Variants in DHTKD1 observed in about 807,000 individuals in gnomAD.
DHTKD1 encodes 2-oxoadipate dehydrogenase complex component E1.
A neutral mutation model predicts 101.8 loss-of-function variants in DHTKD1; 78 were observed. The ratio of observed to expected loss-of-function variants is 0.77; its 90% CI spans 0.64 to 0.93. DHTKD1 has a LOEUF of 0.93. Among genes scored for constraint, DHTKD1 ranks in the 40% least tolerant of loss-of-function variants. The pLI is 0.00. For synonymous variants in DHTKD1, 462 were observed against 450.3 expected (o/e 1.03, Z -0.33); for missense variants, 1,223 against 1,161.7 (o/e 1.05, Z -0.77).
rs1218368789 is a variant in DHTKD1 at position 12,100,235 on chromosome 10, C to CTTGCCTT, written c.1730_1736dup (p.Leu579PhefsTer12). ...GCTAGACTGGGCCACCGCGGAAGCT[C>CTTGCCTT]TTGCCTTGGGTTCTTTACTTGCTCA... On this transcript the variant is annotated frameshift_variant, in exon 9 of 17. Coordinates refer to ENST00000263035, the MANE Select transcript of DHTKD1 (RefSeq NM_018706.7). LOFTEE classifies it high-confidence loss of function. 1 of 1,539,366 alleles carries CTTGCCTT rather than the reference C, an allele frequency of 6.5e-7. No individual in the cohort carries two copies. The highest frequency in any genetic ancestry group is 1.5e-5 in the African/African-American group (1 of 68,858).
intron 1 of DHTKD1, among the ~76,000 whole-genome samples, chr10:12,078,417 T>C (rs1490568473): frequency 2.0e-5 from 3 of 150,022 alleles, no homozygotes; most frequent in African/African-American, 7.4e-5. Context: ...AGAGCAAGAC[T>C]CCACCTCAGA....
chr10:12,108,090 T>A, intron 12 of DHTKD1, 75 bp downstream of exon 12: 1 of 1,067,936 alleles, frequency 9.4e-7, no homozygotes, highest in Non-Finnish European at 1.4e-6. Flanking sequence ...TGCGGATAGC[T>A]TAACGCCCAC....
At chr10:12,081,846 C>T (rs1832825305) in intron 2 of DHTKD1, among the ~76,000 whole-genome samples, 1 of 151,834 alleles carries the variant, frequency 6.6e-6, no homozygotes, top group South Asian at 2.1e-4. Context: ...ATTTAATTGG[C>T]TGGGCACAAT....
In DHTKD1 at chr10:12,117,691, C is replaced by G; in HGVS notation, c.2338C>G (p.Gln780Glu). Reference sequence around the variant, plus strand: ...CTCGTAGGCAGCCGTGTCAACTCTTCAAGAAATGGCACCAGGAACAACATT... The same window carrying G: ...CTCGTAGGCAGCCGTGTCAACTCTTGAAGAAATGGCACCAGGAACAACATT... ...LRLPAAVSTLQEMAPGTTFNP... is the reference protein window; with the variant it reads ...LRLPAAVSTLEEMAPGTTFNP... Residue 780 changes from glutamine (Q) to glutamate (E), a missense_variant, in exon 14 of 17, where the codon CAA becomes GAA. Transcript: ENST00000263035. The G allele has an allele frequency of 1.2e-6, 2 of 1,605,746 alleles. No individual in the cohort carries two copies. The highest frequency in any genetic ancestry group is 1.7e-6 in the Non-Finnish European group (2 of 1,174,960).
chr10:12,088,930 C>T (rs1588608035), intron 4 of DHTKD1, 56 bp from the exon 5 acceptor site: 1 of 1,504,870 alleles, frequency 6.6e-7, no homozygotes. Flanking sequence ...GCACTTCTTC[C>T]CTAGACTCCA....
At chr10:12,076,462 C>T (rs943392583) in intron 1 of DHTKD1, among the ~76,000 whole-genome samples, 1 of 151,572 alleles carries the variant, frequency 6.6e-6, no homozygotes, top group Non-Finnish European at 1.5e-5. Flanking sequence ...GGCAACAGAG[C>T]GAGACTCTGT....
chr10:12,076,840 A>T (rs1394014533), intron 1 of DHTKD1, among the ~76,000 whole-genome samples: 3 of 151,786 alleles, frequency 2.0e-5, no homozygotes, highest in Non-Finnish European at 4.4e-5. Context: ...TTGTATTTTT[A>T]GTAGAGACGG....
rs534831045 is a variant in DHTKD1, at chr10:12,087,440, G to A, written c.523-95G>A. On this transcript the variant is annotated intron_variant, in intron 3 of 16. Coordinates refer to ENST00000263035, the MANE Select transcript of DHTKD1 (RefSeq NM_018706.7). The surrounding 1 kb of genome is among the most constrained non-coding windows in gnomAD (Gnocchi z 5.2). ...GCATTGCTGTGGCCACTTGGGGAGTGTGGGGCCATCTCACAACACACACAG... is the reference window on the plus strand; with the variant it reads ...GCATTGCTGTGGCCACTTGGGGAGTATGGGGCCATCTCACAACACACACAG... The A allele has an allele frequency of 1.2e-5, 13 of 1,049,656 alleles. No homozygotes were observed. The South Asian group carries it at 1.7e-4, about 14-fold the overall frequency. 65.0% of individuals were successfully genotyped at this position (1,049,656 alleles called of 1,614,324 possible). A position where few individuals can be genotyped will look rare whatever the true frequency, so the allele number is the denominator to read the frequency against.
chr10:12,078,168 T>G (rs1454955851), intron 1 of DHTKD1, among the ~76,000 whole-genome samples: 1 of 152,060 alleles, frequency 6.6e-6, no homozygotes, highest in African/African-American at 2.4e-5. Flanking sequence ...CTCATGCCTG[T>G]AATCTCAGCA....
Position 12,094,231 on chromosome 10 carries a change from G to A in DHTKD1, c.1318G>A (p.Glu440Lys). Reference sequence around the variant, plus strand: ...GCAGTGGGGCCACAATGAGCTGGATGAGCCATTCTACACCAACCCCATCAT... The same window carrying A: ...GCAGTGGGGCCACAATGAGCTGGATAAGCCATTCTACACCAACCCCATCAT... ...YRQWGHNELD[E>K]PFYTNPIMYK... The change falls in exon 7 of 17, where the codon GAG becomes AAG. Residue 440 changes from glutamate to lysine, a missense_variant. Transcript: ENST00000263035. 6.2e-7 allele frequency: 1 copy of A among 1,614,212 alleles called. No individual in the cohort carries two copies. The highest frequency in any genetic ancestry group is 8.5e-7 in the Non-Finnish European group (1 of 1,180,038).
intron 15 of DHTKD1, 56 bp downstream of exon 15, chr10:12,118,974 G>C: frequency 7.0e-7 from 1 of 1,424,176 alleles, no homozygotes; most frequent in Non-Finnish European, 9.3e-7. Flanking sequence ...ACCCATTTCA[G>C]CTCTTTTAAA....
rs1832929957 is a variant in DHTKD1 at position 12,087,959 on chromosome 10, A to AT, written c.717+231dup. 6.6e-6 allele frequency among the ~76,000 whole-genome samples: 1 copy of AT among 151,944 alleles called. No individual in the cohort carries two copies. Among genetic ancestry groups the AT allele is most frequent in the Non-Finnish European group, 1.5e-5 (1 of 67,998 alleles). ...AGACTTTGTCTCTACCAAAAATAAA[A>AT]TAAGTTAGCCAAGCATGGTGGCACG... On this transcript the variant is annotated intron_variant, in intron 4 of 16. Transcript: ENST00000263035. The surrounding 1 kb of genome is among the most constrained non-coding windows in gnomAD (Gnocchi z 5.2).
In DHTKD1 at chr10:12,098,045, A is replaced by G. The variant is rs960342354; in HGVS notation, c.1671+49A>G. 2.6e-6 allele frequency: 4 copies of G among 1,521,526 alleles called. No individual in the cohort carries two copies. In the African/African-American group the frequency reaches 5.5e-5, roughly 21 times the overall value. 94.3% of individuals were successfully genotyped at this position (1,521,526 alleles called of 1,614,324 possible). On this transcript the variant is annotated intron_variant, in intron 8 of 16. Coordinates refer to ENST00000263035, the MANE Select transcript of DHTKD1 (RefSeq NM_018706.7). ...TTATTGCTTCTCCTTCCTGCTCAGC[A>G]AAGGAGCTGACGTTGGTCTGGTGTT... is the stretch of plus-strand genomic sequence containing the variant.
chr10:12,111,081 T>G (rs2131622857), intron 12 of DHTKD1, among the ~76,000 whole-genome samples: 1 of 151,362 alleles, frequency 6.6e-6, no homozygotes, highest in South Asian at 2.1e-4. Context: ...AACATCAACT[T>G]AACTCTTTTG....
chr10:12,101,124 G>A lies in DHTKD1; in HGVS notation c.1839G>A (p.Thr613=), dbSNP rs202019251. 3.2e-5 allele frequency: 52 copies of A among 1,613,956 alleles called. No individual in the cohort carries two copies. The highest frequency in any genetic ancestry group is 1.6e-4 in the Middle Eastern group (1 of 6,084). ...ATGCAATCGTGGTTTGCCAGGAGAC[G>A]GATGACACCTACATCCCCCTGAACC... is the stretch of plus-strand genomic sequence containing the variant. ...QRHAIVVCQE[T]DDTYIPLNHM... The change falls in exon 10 of 17, where the codon ACG becomes ACA. Residue 613 remains threonine, a synonymous_variant. Coordinates refer to ENST00000263035, the MANE Select transcript of DHTKD1 (RefSeq NM_018706.7).
intron 1 of DHTKD1, among the ~76,000 whole-genome samples, chr10:12,074,761 C>T (rs1250424303): frequency 6.6e-6 from 1 of 151,816 alleles, no homozygotes; most frequent in African/African-American, 2.4e-5. Context: ...CAGGTCAGGC[C>T]TGGTGGCTCA....
intron 14 of DHTKD1, among the ~76,000 whole-genome samples, chr10:12,117,977 C>T (rs1833447282): frequency 6.6e-6 from 1 of 152,010 alleles, no homozygotes; most frequent in Non-Finnish European, 1.5e-5. Context: ...GCAACCTCCG[C>T]CTCCCGGATT....
At chr10:12,075,806 C>T (rs554850380) in intron 1 of DHTKD1, among the ~76,000 whole-genome samples, 3 of 152,070 alleles carry the variant, frequency 2.0e-5, no homozygotes, top group Admixed American at 6.5e-5. Context: ...AAAGGTAATA[C>T]AGTTGAAGTA....
rs770278866 is a variant in DHTKD1 at position 12,112,914 on chromosome 10, G to C, written c.2169G>C (p.Ala723=). 1 of 1,607,574 alleles carries C rather than the reference G, an allele frequency of 6.2e-7. No individual in the cohort carries two copies. Among genetic ancestry groups the C allele is most frequent in the East Asian group, 2.3e-5 (1 of 44,386 alleles). ...IERFLQMCDS[A]EEGVDGDTVN... ...TTCTCTCCCAGATGTGTGACAGTGCGGAAGAGGGGGTGGACGGAGACACTG... is the reference window on the plus strand; with the variant it reads ...TTCTCTCCCAGATGTGTGACAGTGCCGAAGAGGGGGTGGACGGAGACACTG... The change falls in exon 13 of 17, where the codon GCG becomes GCC. Residue 723 remains alanine, a synonymous_variant. Coordinates refer to ENST00000263035, the MANE Select transcript of DHTKD1 (RefSeq NM_018706.7).
Sources: gnomAD v4.1 joint callset for allele counts (sites outside exome capture counted in the v4.1 genomes callset) on GRCh38, gnomAD v4.1.1 for gene constraint, Gnocchi (gnomAD v3.1) non-coding constraint, MANE v1.5 for transcripts, NCBI Gene and HGNC (gene_info 2026-07-23, HGNC 2026-07-21) for gene names.